Variants in SCAMP5 observed in about 807,000 individuals in gnomAD.
The protein encoded by SCAMP5 is secretory carrier-associated membrane protein 5.
A neutral mutation model predicts 28.3 loss-of-function variants in SCAMP5; 7 were observed. That is an observed-to-expected ratio of 0.25 (90% CI 0.14 to 0.46). The LOEUF (loss-of-function observed/expected upper bound fraction) is 0.46, where lower values mean the gene tolerates loss of function less well. SCAMP5 is among the 20% of genes least tolerant of loss of function. The pLI, the probability that SCAMP5 is intolerant of heterozygous loss-of-function variation, is 0.99. For synonymous variants in SCAMP5, 117 were observed against 116.4 expected (o/e 1.00, Z -0.03); for missense variants, 192 against 312.5 (o/e 0.61, Z 2.91).
At chr15:74,997,901 A>C (rs1349293245) in intron 1 of SCAMP5, among the ~76,000 whole-genome samples, 2 of 152,144 alleles carry the variant, frequency 1.3e-5, no homozygotes, top group African/African-American at 2.4e-5. Context: ...GAGTGGGATG[A>C]GGGGATTGGA....
In SCAMP5 at chr15:74,996,766, A is replaced by T. The variant is rs2065658018; in HGVS notation, c.-49+1093A>T. On this transcript the variant is annotated intron_variant, in intron 1 of 6. Coordinates refer to ENST00000425597, the MANE Select transcript of SCAMP5 (RefSeq NM_138967.4). The surrounding 1 kb of genome is among the most constrained non-coding windows in gnomAD (Gnocchi z 4.1). ...TCTGAAAGAGGGAGATGGTTCTTGC[A>T]GGGGCATGATTGGCAGAGAGATTTT... 6.6e-6 allele frequency among the ~76,000 whole-genome samples: 1 copy of T among 152,208 alleles called. No individual in the cohort carries two copies. The highest frequency in any genetic ancestry group is 2.4e-5 in the African/African-American group (1 of 41,460).
At chr15:75,004,251 G>T (rs554041435) in intron 1 of SCAMP5, among the ~76,000 whole-genome samples, 1 of 152,012 alleles carries the variant, frequency 6.6e-6, no homozygotes, top group African/African-American at 2.4e-5. Flanking sequence ...CTCACTGAAG[G>T]CTCGAACACC....
chr15:75,000,539 AG>A (rs1428824708), intron 1 of SCAMP5, among the ~76,000 whole-genome samples: 6 of 152,094 alleles, frequency 3.9e-5, no homozygotes, highest in African/African-American at 1.4e-4. Flanking sequence ...CCCGCCACCA[AG>A]CCTGGCTAAT....
intron 4 of SCAMP5, among the ~76,000 whole-genome samples, chr15:75,017,011 T>G (rs529236775): frequency 1.4e-4 from 21 of 152,098 alleles, no homozygotes; most frequent in African/African-American, 5.1e-4. Context: ...GGCCTATTTT[T>G]TCTTCTGTCA....
At chr15:75,004,902 C>T (rs929648616) in intron 1 of SCAMP5, among the ~76,000 whole-genome samples, 1 of 152,146 alleles carries the variant, frequency 6.6e-6, no homozygotes, top group African/African-American at 2.4e-5. Context: ...CCTGGTTGGG[C>T]GCGGTGGCTC....
intron 1 of SCAMP5, among the ~76,000 whole-genome samples, chr15:75,003,908 CTTT>C (rs925829013): frequency 1.4e-5 from 2 of 145,792 alleles, no homozygotes; most frequent in Admixed American, 6.9e-5. Context: ...TTTATTTTTA[CTTT>C]TTTTTTTTTT....
intron 1 of SCAMP5, among the ~76,000 whole-genome samples, chr15:74,999,975 A>C (rs573694047): frequency 6.6e-6 from 1 of 152,304 alleles, no homozygotes. Flanking sequence ...GGAAAAAAAC[A>C]GGTTATAAAA....
intron 3 of SCAMP5, among the ~76,000 whole-genome samples, chr15:75,014,036 C>T (rs1413842918): frequency 6.6e-6 from 1 of 151,978 alleles, no homozygotes; most frequent in East Asian, 1.9e-4. Context: ...GGCAAGCTGG[C>T]TATCCTGTGC....
At chr15:75,004,163 C>T (rs1490057079) in intron 1 of SCAMP5, among the ~76,000 whole-genome samples, 1 of 152,048 alleles carries the variant, frequency 6.6e-6, no homozygotes, top group African/African-American at 2.4e-5. Context: ...CTCGGTCTCC[C>T]AAAGTGCTGG....
At chr15:75,001,427 C>T (rs1438818666) in intron 1 of SCAMP5, among the ~76,000 whole-genome samples, 1 of 152,098 alleles carries the variant, frequency 6.6e-6, no homozygotes, top group Non-Finnish European at 1.5e-5. Flanking sequence ...CTTGATTTAG[C>T]TGGGTCCTGT....
intron 1 of SCAMP5, among the ~76,000 whole-genome samples, chr15:75,008,226 T>C (rs1171845947): frequency 6.6e-6 from 1 of 152,028 alleles, no homozygotes; most frequent in Admixed American, 6.6e-5. Flanking sequence ...TGTGTACAAG[T>C]ATATTAAAAA....
intron 3 of SCAMP5, 68 bp from the exon 4 acceptor site, chr15:75,016,525 G>T: frequency 6.9e-7 from 1 of 1,458,600 alleles, no homozygotes. Context: ...CCATGTCCGG[G>T]TGCTCATGTG....
chr15:75,015,719 A>G (rs2065853168), intron 3 of SCAMP5, among the ~76,000 whole-genome samples: 1 of 152,166 alleles, frequency 6.6e-6, no homozygotes, highest in Non-Finnish European at 1.5e-5. Context: ...TGAGGTCAGG[A>G]GTTCGAGACC....
At chr15:75,010,863 C>T (rs2065805108) in intron 1 of SCAMP5, among the ~76,000 whole-genome samples, 1 of 152,016 alleles carries the variant, frequency 6.6e-6, no homozygotes, top group Admixed American at 6.6e-5. Flanking sequence ...GGCTGTTTTG[C>T]CCGGGGAACT....
At chr15:75,010,766 T>G (rs1160091509) in intron 1 of SCAMP5, among the ~76,000 whole-genome samples, 1 of 149,802 alleles carries the variant, frequency 6.7e-6, no homozygotes, top group African/African-American at 2.5e-5. Flanking sequence ...GGTGACAGAG[T>G]GAGACCCTGT....
At chr15:75,000,787 G>A (rs117302238) in intron 1 of SCAMP5, among the ~76,000 whole-genome samples, 3,783 of 151,118 alleles carry the variant, frequency 0.025, 67 homozygotes, top group Non-Finnish European at 0.04. Context: ...TCAAGGCCAG[G>A]ATGACCTAGC....
At chr15:75,016,829 C>A in intron 4 of SCAMP5, 80 bp downstream of exon 4, 29 of 979,844 alleles carry the variant, frequency 3.0e-5, no homozygotes, top group Non-Finnish European at 3.8e-5. Context: ...TTTCTCACTT[C>A]TTTTTTTTTT....
At position 75,018,362 on chromosome 15, in the gene SCAMP5, G is replaced by A; in HGVS notation, c.396-56G>A. 9.5e-7 allele frequency: 1 copy of A among 1,050,330 alleles called. No individual in the cohort carries two copies. The allele number at this position is 1,050,330 out of a possible 1,614,324, so 65.1% of individuals were successfully genotyped here. ...TGAGACGGTCCCTTCCTCTAGCGGG[G>A]GGCTCCTGGGCACCTCTTATCCTGC... On this transcript the variant is annotated intron_variant, in intron 5 of 6. Coordinates refer to ENST00000425597, the MANE Select transcript of SCAMP5 (RefSeq NM_138967.4). The surrounding 1 kb of genome is among the most constrained non-coding windows in gnomAD (Gnocchi z 5.6).
Position 75,016,693 on chromosome 15 carries a change from C to T in SCAMP5, c.237C>T (p.Ile79=). 1 of 1,613,928 alleles carries T rather than the reference C, an allele frequency of 6.2e-7. No homozygotes were observed. Among genetic ancestry groups the T allele is most frequent in the Non-Finnish European group, 8.5e-7 (1 of 1,179,884 alleles). The change falls in exon 4 of 7, where the codon ATC becomes ATT. Residue 79 remains isoleucine (I), a synonymous_variant. Transcript: ENST00000425597. ...TNFGLAFLWL[I]LFTPCSYVCW... Reference sequence around the variant, plus strand: ...TTGGCCTCGCCTTTCTCTGGCTCATCCTCTTCACACCCTGCTCCTACGTCT... The same window carrying T: ...TTGGCCTCGCCTTTCTCTGGCTCATTCTCTTCACACCCTGCTCCTACGTCT...
Sources: gnomAD v4.1 joint callset for allele counts (sites outside exome capture counted in the v4.1 genomes callset) on GRCh38, gnomAD v4.1.1 for gene constraint, Gnocchi (gnomAD v3.1) non-coding constraint, MANE v1.5 for transcripts, NCBI Gene and HGNC (gene_info 2026-07-23, HGNC 2026-07-21) for gene names.